The following CTNNA3 variants were observed in gnomAD, a reference collection of about 807,000 sequenced individuals.
CTNNA3 encodes catenin alpha-3.
A neutral mutation model predicts 95.7 loss-of-function variants in CTNNA3; 76 were observed. The ratio of observed to expected loss-of-function variants is 0.79; its 90% CI spans 0.66 to 0.96. The LOEUF (loss-of-function observed/expected upper bound fraction) is 0.96, where lower values mean the gene tolerates loss of function less well. Ranked by LOEUF, CTNNA3 falls within the 40% of genes least tolerant of loss-of-function variation. CTNNA3 has a pLI of 0.00. For synonymous variants in CTNNA3, 431 were observed against 374.4 expected (o/e 1.15, Z -1.74); for missense variants, 1,191 against 1,089.8 (o/e 1.09, Z -1.31).
intron 13 of CTNNA3, among the ~76,000 whole-genome samples, chr10:66,245,896 C>A (rs566736987): frequency 1.4e-3 from 208 of 152,328 alleles, no homozygotes; most frequent in Non-Finnish European, 2.5e-3. Context: ...ATTGTCTGCT[C>A]ACCTCTGGCT....
chr10:67,044,700 T>A (rs903990892), intron 7 of CTNNA3, among the ~76,000 whole-genome samples: 4 of 152,302 alleles, frequency 2.6e-5, no homozygotes, highest in South Asian at 2.1e-4. Context: ...CACCTTTTTT[T>A]AAAAGAACTC....
intron 7 of CTNNA3, among the ~76,000 whole-genome samples, chr10:66,946,603 T>C (rs972855171): frequency 6.6e-6 from 1 of 152,172 alleles, no homozygotes; most frequent in Non-Finnish European, 1.5e-5. Flanking sequence ...GGTAGCTTTA[T>C]CTGTTTTGGT....
At chr10:66,115,838 A>T (rs895049428) in intron 13 of CTNNA3, among the ~76,000 whole-genome samples, 1 of 152,050 alleles carries the variant, frequency 6.6e-6, no homozygotes, top group Non-Finnish European at 1.5e-5. Flanking sequence ...CTCCTATTTC[A>T]CTGGTCAAAA....
intron 1 of CTNNA3, among the ~76,000 whole-genome samples, chr10:67,733,107 T>C (rs1189925084): frequency 6.6e-6 from 1 of 152,150 alleles, no homozygotes; most frequent in Non-Finnish European, 1.5e-5. Context: ...GTCAAATAAG[T>C]ACATGGTCAA....
intron 7 of CTNNA3, among the ~76,000 whole-genome samples, chr10:67,016,957 A>G (rs1852696899): frequency 6.6e-6 from 1 of 152,174 alleles, no homozygotes; most frequent in Admixed American, 6.5e-5. Flanking sequence ...GGGATTTCTA[A>G]TTAGTTCACA....
At chr10:66,598,179 T>C (rs1484033222) in intron 10 of CTNNA3, among the ~76,000 whole-genome samples, 1 of 152,034 alleles carries the variant, frequency 6.6e-6, no homozygotes, top group African/African-American at 2.4e-5. Context: ...TCTCAATAGA[T>C]GAAGAAAAAA....
At chr10:67,379,334 T>C (rs1843824449) in intron 5 of CTNNA3, among the ~76,000 whole-genome samples, 1 of 152,186 alleles carries the variant, frequency 6.6e-6, no homozygotes, top group Non-Finnish European at 1.5e-5. Context: ...ATTCATCTTC[T>C]ACAAAACGAA....
At chr10:67,661,019 A>G (rs1232768517) in intron 1 of CTNNA3, among the ~76,000 whole-genome samples, 3 of 152,248 alleles carry the variant, frequency 2.0e-5, no homozygotes, top group Non-Finnish European at 4.4e-5. Flanking sequence ...AATTTTTATA[A>G]CAAACTGTTA....
intron 5 of CTNNA3, among the ~76,000 whole-genome samples, chr10:67,374,883 A>T (rs1356853159): frequency 2.0e-5 from 3 of 152,230 alleles, no homozygotes; most frequent in African/African-American, 7.2e-5. Flanking sequence ...CACCAAATAT[A>T]CAACTTATTT....
chr10:66,525,755 A>C (rs1490919931), intron 10 of CTNNA3, among the ~76,000 whole-genome samples: 3 of 152,158 alleles, frequency 2.0e-5, no homozygotes, highest in Non-Finnish European at 4.4e-5. Context: ...CATCTCCAGA[A>C]CTTTTTAGCA....
intron 7 of CTNNA3, among the ~76,000 whole-genome samples, chr10:67,143,502 T>C (rs930930572): frequency 6.6e-6 from 1 of 151,606 alleles, no homozygotes. Context: ...TAGCACTTCT[T>C]TCAAAATTGT....
intron 7 of CTNNA3, among the ~76,000 whole-genome samples, chr10:67,112,058 C>T (rs1221393392): frequency 6.6e-6 from 1 of 152,124 alleles, no homozygotes. Context: ...TTAAATGAAT[C>T]ATTCACACGT....
At chr10:66,803,629 G>A (rs1841521068) in intron 7 of CTNNA3, among the ~76,000 whole-genome samples, 1 of 152,028 alleles carries the variant, frequency 6.6e-6, no homozygotes, top group Admixed American at 6.6e-5. Flanking sequence ...TGCAGGCAGA[G>A]ACAAGCACCT....
chr10:67,667,528 C>G (rs1342840689), intron 1 of CTNNA3, among the ~76,000 whole-genome samples: 1 of 152,098 alleles, frequency 6.6e-6, no homozygotes, highest in Non-Finnish European at 1.5e-5. Context: ...GGCACATCCT[C>G]TATGCTAAAG....
At chr10:66,437,561 A>G (rs1037381245) in intron 11 of CTNNA3, among the ~76,000 whole-genome samples, 3 of 151,960 alleles carry the variant, frequency 2.0e-5, no homozygotes, top group African/African-American at 7.3e-5. Context: ...TCTTCTCTAA[A>G]CTGCTTATTC....
intron 6 of CTNNA3, among the ~76,000 whole-genome samples, chr10:67,209,182 G>T (rs1177911634): frequency 5.3e-5 from 8 of 152,000 alleles, no homozygotes; most frequent in Admixed American, 3.9e-4. Context: ...CCAAGTAGCT[G>T]GTTTTACAGG....
chr10:67,736,677 G>A (rs1268991762), intron 1 of CTNNA3, among the ~76,000 whole-genome samples: 4 of 151,796 alleles, frequency 2.6e-5, no homozygotes, highest in African/African-American at 9.7e-5. Flanking sequence ...GGATGGTCTC[G>A]ATCTCCTGAC....
At chr10:67,237,694 C>G (rs1238783840) in intron 5 of CTNNA3, among the ~76,000 whole-genome samples, 1 of 152,066 alleles carries the variant, frequency 6.6e-6, no homozygotes, top group Admixed American at 6.6e-5. Flanking sequence ...GGTGATATGA[C>G]AAATACAGGA....
chr10:66,148,711 G>GATAA (rs2133899860), intron 13 of CTNNA3, among the ~76,000 whole-genome samples: 1 of 76,854 alleles, frequency 1.3e-5, no homozygotes, highest in South Asian at 7.8e-4. Context: ...CCAGGACTAT[G>GATAA]AGAAATAAAT....
Sources: gnomAD v4.1 joint callset for allele counts (sites outside exome capture counted in the v4.1 genomes callset) on GRCh38, gnomAD v4.1.1 for gene constraint, MANE v1.5 for transcripts, NCBI Gene and HGNC (gene_info 2026-07-23, HGNC 2026-07-21) for gene names.